CADM1: variants seen among roughly 807,000 people sequenced by gnomAD.
CADM1 encodes TSLC-1.
A neutral mutation model predicts 53.1 loss-of-function variants in CADM1; 15 were observed. The observed-to-expected ratio is 0.28, with a 90% CI of 0.19 to 0.44. CADM1 has a LOEUF of 0.44. Ranked by LOEUF, CADM1 falls within the 20% of genes least tolerant of loss-of-function variation. The probability of loss-of-function intolerance (pLI) is 1.00; values close to 1 mark genes in which losing one functional copy is unlikely to be tolerated. For synonymous variants in CADM1, 281 were observed against 243.0 expected, an observed-to-expected ratio of 1.16 and a Z score of -1.45; for missense variants, 434 against 611.3, an observed-to-expected ratio of 0.71 and a Z score of 3.06.
chr11:115,243,984 C>T (rs754526981), intron 1 of CADM1, among the ~76,000 whole-genome samples: 9 of 152,114 alleles, frequency 5.9e-5, no homozygotes, highest in Non-Finnish European at 1.0e-4. Flanking sequence ...ATAGACTAAT[C>T]GGTGTATATG....
At chr11:115,476,895 T>C (rs528990309) in intron 1 of CADM1, among the ~76,000 whole-genome samples, 2 of 152,204 alleles carry the variant, frequency 1.3e-5, no homozygotes, top group South Asian at 4.2e-4. Flanking sequence ...ACTCAAGAAA[T>C]ACATAACATC....
chr11:115,301,191 C>A (rs933741263), intron 1 of CADM1, among the ~76,000 whole-genome samples: 2 of 151,966 alleles, frequency 1.3e-5, no homozygotes, highest in Non-Finnish European at 2.9e-5. Context: ...GCTGACTCAC[C>A]CTCACAGAAG....
chr11:115,351,617 C>T (rs527262014), intron 1 of CADM1, among the ~76,000 whole-genome samples: 3 of 152,316 alleles, frequency 2.0e-5, no homozygotes, highest in African/African-American at 7.2e-5. Flanking sequence ...AAATACAGAA[C>T]TCTGGCCCTA....
chr11:115,358,249 T>C (rs931384167), intron 1 of CADM1, among the ~76,000 whole-genome samples: 37 of 152,150 alleles, frequency 2.4e-4, no homozygotes, highest in African/African-American at 8.9e-4. Flanking sequence ...AAAATAATTG[T>C]ATAGAAAAAG....
intron 1 of CADM1, among the ~76,000 whole-genome samples, chr11:115,340,645 TA>T (rs1195364370): frequency 1.8e-3 from 63 of 35,032 alleles, no homozygotes; most frequent in East Asian, 7.3e-3. Context: ...TATATATATA[TA>T]TATATATATA....
intron 1 of CADM1, among the ~76,000 whole-genome samples, chr11:115,462,620 TGGA>T (rs1948820816): frequency 6.6e-6 from 1 of 152,074 alleles, no homozygotes; most frequent in South Asian, 2.1e-4. Flanking sequence ...ATTTTTGATG[TGGA>T]GGAGGAGGAG....
intron 1 of CADM1, among the ~76,000 whole-genome samples, chr11:115,466,114 A>G (rs1406347759): frequency 6.6e-6 from 1 of 152,166 alleles, no homozygotes; most frequent in Non-Finnish European, 1.5e-5. Flanking sequence ...AAGCTATGAA[A>G]AAAAAACTTC....
At chr11:115,196,387 T>C (rs976979944) in intron 9 of CADM1, among the ~76,000 whole-genome samples, 2 of 152,026 alleles carry the variant, frequency 1.3e-5, no homozygotes, top group African/African-American at 2.4e-5. Context: ...ACTAAGAACA[T>C]GAATTTTATT....
chr11:115,241,160 A>C (rs2134916885), intron 1 of CADM1, among the ~76,000 whole-genome samples: 1 of 152,264 alleles, frequency 6.6e-6, no homozygotes, highest in South Asian at 2.1e-4. Context: ...ATTCACTGAT[A>C]TATAAGGATT....
Position 115,363,511 on chromosome 11 carries a change from T to C in CADM1, c.125-123091A>G, listed in dbSNP as rs145620642. 6.6e-5 allele frequency: 10 copies of C among 152,358 alleles called. No homozygotes were observed. The East Asian group carries it at 1.5e-3, about 23-fold the overall frequency. 9.4% of individuals were successfully genotyped at this position (152,358 alleles called of 1,614,324 possible). A position where few individuals can be genotyped will look rare whatever the true frequency, so the allele number is the denominator to read the frequency against. Reference sequence around the variant, plus strand: ...CACTCCATTTTAGGCTAATTTTCCATTTTAAGCAGCAATCTGGATGACTAA... The same window carrying C: ...CACTCCATTTTAGGCTAATTTTCCACTTTAAGCAGCAATCTGGATGACTAA... On this transcript the variant is annotated intron_variant, in intron 1 of 11. Transcript: ENST00000331581.
intron 1 of CADM1, among the ~76,000 whole-genome samples, chr11:115,434,994 G>A (rs1948150631): frequency 1.3e-5 from 2 of 151,606 alleles, no homozygotes; most frequent in African/African-American, 4.8e-5. Flanking sequence ...CAGAGTAGCT[G>A]GGATTACAGG....
At chr11:115,430,715 C>T (rs1461188327) in intron 1 of CADM1, among the ~76,000 whole-genome samples, 1 of 152,022 alleles carries the variant, frequency 6.6e-6, no homozygotes, top group East Asian at 1.9e-4. Context: ...AAATGAATGC[C>T]GCAGGACCAG....
intron 1 of CADM1, among the ~76,000 whole-genome samples, chr11:115,372,360 C>T (rs1201150556): frequency 6.6e-6 from 1 of 152,058 alleles, no homozygotes; most frequent in Non-Finnish European, 1.5e-5. Context: ...TTGGAAGCAA[C>T]TTTGAATTCT....
At chr11:115,348,537 C>T (rs1945642873) in intron 1 of CADM1, among the ~76,000 whole-genome samples, 1 of 152,136 alleles carries the variant, frequency 6.6e-6, no homozygotes, top group South Asian at 2.1e-4. Flanking sequence ...CACTTGAAGG[C>T]TTGCGGTAAT....
chr11:115,293,482 C>A lies in CADM1; in HGVS notation c.125-53062G>T, dbSNP rs184112860. Among the ~76,000 whole-genome samples the A allele has an allele frequency of 2.9e-3, 444 of 152,226 alleles. 1 individual carries two copies. Among genetic ancestry groups the A allele is most frequent in the South Asian group, 0.013 (62 of 4,818 alleles). ...ATAACTATTCTGCCCTCCAGAGACC[C>A]CAGAAACTCTTCTGAAGATCTCTGA... On this transcript the variant is annotated intron_variant, in intron 1 of 11. Transcript: ENST00000331581.
chr11:115,211,565 C>T (rs1341263662), intron 7 of CADM1, among the ~76,000 whole-genome samples: 5 of 149,980 alleles, frequency 3.3e-5, no homozygotes, highest in East Asian at 2.0e-4. Context: ...CTGCAATCTC[C>T]GCTTCCCGGG....
chr11:115,389,463 C>T (rs1021422861), intron 1 of CADM1, among the ~76,000 whole-genome samples: 23 of 152,098 alleles, frequency 1.5e-4, no homozygotes, highest in Non-Finnish European at 2.9e-5. Flanking sequence ...TTTATAAAAG[C>T]AAGCAACTTG....
intron 1 of CADM1, among the ~76,000 whole-genome samples, chr11:115,400,661 G>GTGTA (rs1295332849): frequency 2.5e-3 from 117 of 46,374 alleles, no homozygotes; most frequent in Non-Finnish European, 3.4e-3. Flanking sequence ...GTGTGTGTGT[G>GTGTA]TATATATATA....
intron 1 of CADM1, among the ~76,000 whole-genome samples, chr11:115,282,123 A>G (rs1230203330): frequency 6.6e-6 from 1 of 152,202 alleles, no homozygotes; most frequent in African/African-American, 2.4e-5. Flanking sequence ...ATTACTGAAT[A>G]AGTAATGCTG....
Sources: allele counts gnomAD v4.1 joint callset (sites outside exome capture counted in the v4.1 genomes callset), GRCh38; gene constraint gnomAD v4.1.1; transcripts MANE v1.5; gene names NCBI Gene and HGNC (gene_info 2026-07-23, HGNC 2026-07-21).